BBX: variants seen among roughly 807,000 people sequenced by gnomAD.
The protein encoded by BBX is BBX high mobility group box domain containing, also known as HMG box transcription factor BBX.
Under a neutral mutation model 100.2 loss-of-function variants are expected in BBX, and 30 were observed. The ratio of observed to expected loss-of-function variants is 0.30; its 90% CI spans 0.22 to 0.41. The LOEUF (loss-of-function observed/expected upper bound fraction) is 0.41, where lower values mean the gene tolerates loss of function less well. Ranked by LOEUF, BBX falls within the 10% of genes least tolerant of loss-of-function variation. The probability of loss-of-function intolerance (pLI) is 1.00; values close to 1 mark genes in which losing one functional copy is unlikely to be tolerated. For missense variants in BBX, 1,023 were observed against 1,129.8 expected (o/e 0.91, Z 1.35); for synonymous variants, 376 against 388.1 (o/e 0.97, Z 0.37).
intron 7 of BBX, among the ~76,000 whole-genome samples, chr3:107,743,250 G>GA (rs1441449073): frequency 1.3e-5 from 2 of 152,104 alleles, no homozygotes; most frequent in Admixed American, 6.6e-5. Flanking sequence ...TGATAAAGCA[G>GA]AGAAGTTGAT....
chr3:107,716,175 G>A (rs1353521737), intron 4 of BBX, among the ~76,000 whole-genome samples: 1 of 152,090 alleles, frequency 6.6e-6, no homozygotes, highest in Non-Finnish European at 1.5e-5. Flanking sequence ...ATTTTATGTG[G>A]ATGTTGTTAA....
At chr3:107,526,865 AC>A (rs2047816301) in intron 2 of BBX, 1 of 152,244 alleles carries the variant, frequency 6.6e-6, no homozygotes, top group African/African-American at 2.4e-5. Flanking sequence ...GGTGTTTGTA[AC>A]AGTTACTTTT....
At chr3:107,695,082 C>T (rs2060485562) in intron 3 of BBX, among the ~76,000 whole-genome samples, 3 of 143,028 alleles carry the variant, frequency 2.1e-5, no homozygotes, top group African/African-American at 5.4e-5. Flanking sequence ...TGATTCTTCT[C>T]TCTTTTTTTC....
chr3:107,674,629 T>A (rs2107940702), intron 3 of BBX, among the ~76,000 whole-genome samples: 1 of 152,298 alleles, frequency 6.6e-6, no homozygotes, highest in Non-Finnish European at 1.5e-5. Context: ...ACCAAATCTG[T>A]GTACTTGCAT....
intron 14 of BBX, 67 bp from the exon 15 acceptor site, chr3:107,791,173 T>G (rs778945932): frequency 3.1e-5 from 41 of 1,338,532 alleles, no homozygotes; most frequent in Non-Finnish European, 4.2e-5. Flanking sequence ...CATCTTGTTT[T>G]TGTAGTATGG....
intron 2 of BBX, among the ~76,000 whole-genome samples, chr3:107,609,887 CT>C (rs1235596268): frequency 2.6e-5 from 4 of 151,738 alleles, no homozygotes; most frequent in Admixed American, 6.6e-5. Context: ...CTACTCTGAT[CT>C]TTATTTCTTT....
At chr3:107,569,496 C>T (rs959160125) in intron 2 of BBX, among the ~76,000 whole-genome samples, 1 of 151,600 alleles carries the variant, frequency 6.6e-6, no homozygotes, top group African/African-American at 2.4e-5. Flanking sequence ...GGGGTGGGGC[C>T]GTTTTATAGG....
rs2067196144 is a variant in BBX at position 107,774,837 on chromosome 3, A to G, written c.2034A>G (p.Pro678=). The change falls in exon 12 of 18, where the codon CCA becomes CCG. Residue 678 remains proline (P), a synonymous_variant. Coordinates refer to ENST00000325805, the MANE Select transcript of BBX (RefSeq NM_001142568.3). ...SGSKKFKKTK[P]KEDCLLGSAK... ...GCAAGAAGTTCAAGAAGACAAAGCC[A>G]AAAGAAGACTGTCTCCTTGGGTAAG... The G allele has an allele frequency of 1.2e-6, 2 of 1,613,324 alleles. No homozygotes were observed. Among genetic ancestry groups the G allele is most frequent in the Non-Finnish European group, 1.7e-6 (2 of 1,179,492 alleles).
chr3:107,541,527 C>T (rs185808288), intron 2 of BBX, among the ~76,000 whole-genome samples: 1 of 152,142 alleles, frequency 6.6e-6, no homozygotes, highest in East Asian at 1.9e-4. Flanking sequence ...AAAGACTGTC[C>T]ATTTGACTTA....
At chr3:107,753,092 G>C (rs1485523490) in intron 9 of BBX, among the ~76,000 whole-genome samples, 1 of 152,132 alleles carries the variant, frequency 6.6e-6, no homozygotes, top group African/African-American at 2.4e-5. Flanking sequence ...GGAAAGAAGA[G>C]CCAGCAAAGA....
intron 3 of BBX, among the ~76,000 whole-genome samples, chr3:107,697,193 C>T (rs1043250317): frequency 6.6e-6 from 1 of 151,868 alleles, no homozygotes. Flanking sequence ...CTTCTTCTCT[C>T]AGCTCGTCAA....
At chr3:107,721,349 G>C (rs2062511038) in intron 5 of BBX, among the ~76,000 whole-genome samples, 1 of 151,794 alleles carries the variant, frequency 6.6e-6, no homozygotes, top group East Asian at 1.9e-4. Context: ...CTTTTCCATA[G>C]TTGTTTTGTT....
Position 107,807,617 on chromosome 3 carries a change from G to T in BBX, c.*2160G>T, listed in dbSNP as rs957486483. 1 of 151,702 alleles carries T rather than the reference G, an allele frequency of 6.6e-6. No individual in the cohort carries two copies. The highest frequency in any genetic ancestry group is 2.4e-5 in the African/African-American group (1 of 41,280). The allele number at this position is 151,702 out of a possible 1,614,324, so 9.4% of individuals were successfully genotyped here. A position where few individuals can be genotyped will look rare whatever the true frequency, so the allele number is the denominator to read the frequency against. ...TTATTCTATAGAACACGTTAGAATA[G>T]ATCTATTTTTGCCAGAGCACCCTCC... On this transcript the variant is annotated 3_prime_UTR_variant, in exon 18 of 18. Coordinates refer to ENST00000325805, the MANE Select transcript of BBX (RefSeq NM_001142568.3).
chr3:107,589,305 C>T (rs763678817), intron 2 of BBX, among the ~76,000 whole-genome samples: 2 of 152,036 alleles, frequency 1.3e-5, no homozygotes, highest in East Asian at 3.8e-4. Flanking sequence ...TCTTTACCTC[C>T]GAAAGTTTAT....
chr3:107,679,438 A>G (rs1038867883), intron 3 of BBX, among the ~76,000 whole-genome samples: 1 of 152,164 alleles, frequency 6.6e-6, no homozygotes, highest in African/African-American at 2.4e-5. Flanking sequence ...GCTGTGCTGA[A>G]TATGGAAGCT....
At chr3:107,738,232 G>C (rs1448496654) in intron 7 of BBX, among the ~76,000 whole-genome samples, 3 of 151,444 alleles carry the variant, frequency 2.0e-5, no homozygotes, top group African/African-American at 7.3e-5. Context: ...ATTATATTTA[G>C]TTTTATAATT....
At chr3:107,601,553 T>C (rs1280404642) in intron 2 of BBX, among the ~76,000 whole-genome samples, 1 of 152,190 alleles carries the variant, frequency 6.6e-6, no homozygotes, top group East Asian at 1.9e-4. Flanking sequence ...GCCACAACAC[T>C]CCCTTAAGCC....
intron 3 of BBX, among the ~76,000 whole-genome samples, chr3:107,678,553 G>C (rs559727208): frequency 5.3e-5 from 8 of 152,026 alleles, no homozygotes; most frequent in Admixed American, 5.2e-4. Context: ...GTGAGACCTC[G>C]CTTCTGCAAA....
chr3:107,612,420 A>AT (rs1445223004), intron 2 of BBX, among the ~76,000 whole-genome samples: 1 of 152,068 alleles, frequency 6.6e-6, no homozygotes. Context: ...GTTGTGATCC[A>AT]TTTTTTTGTC....
Sources: gnomAD v4.1 joint callset for allele counts (sites outside exome capture counted in the v4.1 genomes callset) on GRCh38, gnomAD v4.1.1 for gene constraint, MANE v1.5 for transcripts, NCBI Gene and HGNC (gene_info 2026-07-23, HGNC 2026-07-21) for gene names.